PGBD5: variants seen among roughly 807,000 people sequenced by gnomAD.
PGBD5 encodes the protein piggyBac transposable element derived 5.
A neutral mutation model predicts 47.9 loss-of-function variants in PGBD5; 14 were observed. The observed-to-expected ratio is 0.29, with a 90% confidence interval of 0.19 to 0.46. The LOEUF (loss-of-function observed/expected upper bound fraction) is 0.46. Among genes scored for constraint, PGBD5 ranks in the 20% least tolerant of loss-of-function variants. The pLI is 1.00. For synonymous variants in PGBD5, 316 were observed against 306.3 expected (o/e 1.03, Z -0.33); for missense variants, 635 against 716.0 (o/e 0.89, Z 1.29).
At chr1:230,382,469 C>G (rs1248231008) in intron 1 of PGBD5, among the ~76,000 whole-genome samples, 1 of 152,190 alleles carries the variant, frequency 6.6e-6, no homozygotes, top group Non-Finnish European at 1.5e-5. Context: ...TGATGATGGG[C>G]AAGGGAAGCT....
chr1:230,351,361 T>G (rs1432522525), intron 2 of PGBD5, among the ~76,000 whole-genome samples: 1 of 151,920 alleles, frequency 6.6e-6, no homozygotes, highest in Non-Finnish European at 1.5e-5. Context: ...TCAATGGAAT[T>G]TATTATTATT....
At chr1:230,355,454 T>C (rs78253497) in intron 2 of PGBD5, among the ~76,000 whole-genome samples, 2,579 of 152,346 alleles carry the variant, frequency 0.017, 63 homozygotes, top group African/African-American at 0.058. Context: ...ATGGTCTGAA[T>C]GTGCTGTTTA....
At chr1:230,362,480 G>A (rs1265876051) in intron 1 of PGBD5, 2 of 1,197,428 alleles carry the variant, frequency 1.7e-6, no homozygotes, top group East Asian at 6.0e-5. Context: ...CTGGAAGGAA[G>A]CCCTCCTGGG....
chr1:230,323,192 C>T lies in PGBD5; in HGVS notation c.*233G>A. 1.8e-6 allele frequency: 1 copy of T among 546,140 alleles called. No individual in the cohort carries two copies. The highest frequency in any genetic ancestry group is 2.4e-5 in the South Asian group (1 of 41,782). 33.8% of individuals were successfully genotyped at this position (546,140 alleles called of 1,614,324 possible). ...CCTTGAGAACGTGGGTGTAAGTGCT[C>T]ATCACACCGGCGGCACTGTTTCTCG... On this transcript the variant is annotated 3_prime_UTR_variant, in exon 7 of 7. Coordinates refer to ENST00000391860, the MANE Select transcript of PGBD5 (RefSeq NM_001258311.2). This position sits in a 1 kb window ranked among gnomAD's most constrained non-coding sequence, Gnocchi z 4.1.
At chr1:230,396,316 C>T (rs1656973249) in intron 1 of PGBD5, among the ~76,000 whole-genome samples, 1 of 133,862 alleles carries the variant, frequency 7.5e-6, no homozygotes, top group Non-Finnish European at 1.6e-5. Flanking sequence ...TCCCTTTTAC[C>T]CCACACTCCT....
chr1:230,391,122 A>G (rs1029227168), intron 1 of PGBD5, among the ~76,000 whole-genome samples: 10 of 138,512 alleles, frequency 7.2e-5, no homozygotes, highest in Non-Finnish European at 1.6e-4. Context: ...GCACCAGGGC[A>G]TGTCACCGAG....
intron 1 of PGBD5, among the ~76,000 whole-genome samples, chr1:230,361,462 C>T (rs1667740749): frequency 6.6e-6 from 1 of 152,008 alleles, no homozygotes; most frequent in Non-Finnish European, 1.5e-5. Context: ...CTTCCCCCAC[C>T]GCACCAGGCC....
chr1:230,342,703 G>C (rs1346077951), intron 3 of PGBD5, among the ~76,000 whole-genome samples: 1 of 152,172 alleles, frequency 6.6e-6, no homozygotes, highest in East Asian at 1.9e-4. Flanking sequence ...TCTGAGCCTT[G>C]CTTTCCTTAT....
At position 230,357,045 on chromosome 1, in the gene PGBD5, A is replaced by C. The variant is rs1558198251; in HGVS notation, c.608T>G (p.Met203Arg). 6.2e-7 allele frequency: 1 copy of C among 1,614,064 alleles called. No individual in the cohort carries two copies. The highest frequency in any genetic ancestry group is 1.3e-5 in the African/African-American group (1 of 74,924). The change falls in exon 2 of 7, where the codon ATG becomes AGG. Residue 203 changes from methionine (M) to arginine (R), a missense_variant. By Grantham distance (91) the Met-to-Arg change is moderately conservative. Coordinates refer to ENST00000391860, the MANE Select transcript of PGBD5 (RefSeq NM_001258311.2). The surrounding 1 kb of genome is among the most constrained non-coding windows in gnomAD (Gnocchi z 5.7). ...GATCTTCTCGAAGCGGGCCTGGCTC[A>C]TGACGAGGGCGAGGCTGCGGTTGCT... ...FYSNRSLALV[M>R]SQARFEKILK...
chr1:230,352,726 T>C (rs909600952), intron 2 of PGBD5, among the ~76,000 whole-genome samples: 7 of 152,202 alleles, frequency 4.6e-5, no homozygotes, highest in Admixed American at 3.9e-4. Flanking sequence ...TTGCACTCGC[T>C]GGCTCTTTGT....
At chr1:230,360,424 T>C (rs1260889164) in intron 1 of PGBD5, among the ~76,000 whole-genome samples, 1 of 152,152 alleles carries the variant, frequency 6.6e-6, no homozygotes, top group African/African-American at 2.4e-5. Flanking sequence ...GTCAGTGATA[T>C]GGTCTGGCTC....
chr1:230,371,179 AC>A (rs1252719742), intron 1 of PGBD5, among the ~76,000 whole-genome samples: 1 of 152,140 alleles, frequency 6.6e-6, no homozygotes, highest in Non-Finnish European at 1.5e-5. Flanking sequence ...TAACTTTCAA[AC>A]CCAAAAGCTA....
chr1:230,415,976 G>C (rs1428541389), intron 1 of PGBD5, among the ~76,000 whole-genome samples: 1 of 152,204 alleles, frequency 6.6e-6, no homozygotes, highest in Non-Finnish European at 1.5e-5. Context: ...TCACTTGACA[G>C]GATGGTTGTG....
intron 1 of PGBD5, among the ~76,000 whole-genome samples, chr1:230,411,652 A>C (rs1657411868): frequency 6.6e-6 from 1 of 152,230 alleles, no homozygotes. Flanking sequence ...GAGAGATGAG[A>C]AATTATTAAC....
chr1:230,388,582 A>AT (rs1357165493), intron 1 of PGBD5, among the ~76,000 whole-genome samples: 1 of 151,882 alleles, frequency 6.6e-6, no homozygotes, highest in African/African-American at 2.4e-5. Context: ...CACCCGGCTA[A>AT]TTTTTTGTAT....
chr1:230,380,177 C>T (rs1385527594), intron 1 of PGBD5, among the ~76,000 whole-genome samples: 1 of 152,206 alleles, frequency 6.6e-6, no homozygotes. Context: ...ATGAATGGGT[C>T]TGCTAGATAC....
chr1:230,337,364 G>A (rs1667343415), intron 3 of PGBD5, 76 bp from the exon 4 acceptor site: 10 of 1,336,368 alleles, frequency 7.5e-6, no homozygotes, highest in Non-Finnish European at 1.0e-5. Flanking sequence ...AGCAAGCACA[G>A]ATCTCATGGG....
In PGBD5 at chr1:230,356,886, G is replaced by A. The variant is rs372410956; in HGVS notation, c.759+8C>T. On this transcript the variant is annotated splice_region_variant and intron_variant, in intron 2 of 6. Coordinates refer to ENST00000391860, the MANE Select transcript of PGBD5 (RefSeq NM_001258311.2). ...TGGACAAGCTCTTACGTCCTGCGTG[G>A]GCCTCACCTGGGTTTGGGAAGGCCT... 66 of 1,610,972 alleles carry A rather than the reference G, an allele frequency of 4.1e-5. No homozygotes were observed. In the Middle Eastern group the frequency reaches 6.6e-4, roughly 16 times the overall value.
intron 4 of PGBD5, among the ~76,000 whole-genome samples, chr1:230,335,188 TACAG>T (rs1439095656): frequency 2.5e-5 from 1 of 40,588 alleles, no homozygotes; most frequent in Non-Finnish European, 4.7e-5. Context: ...CACACAGACT[TACAG>T]ACACACACAG....
Sources: allele counts gnomAD v4.1 joint callset (sites outside exome capture counted in the v4.1 genomes callset), GRCh38; gene constraint gnomAD v4.1.1; non-coding constraint Gnocchi (gnomAD v3.1); transcripts MANE v1.5; gene names NCBI Gene and HGNC (gene_info 2026-07-23, HGNC 2026-07-21).